ADAMTS18: variants seen among roughly 807,000 people sequenced by gnomAD.
The protein encoded by ADAMTS18 is ADAM metallopeptidase with thrombospondin type 1 motif 18, also known as A disintegrin and metalloproteinase with thrombospondin motifs 18.
A neutral mutation model predicts 165.9 loss-of-function variants in ADAMTS18; 157 were observed. The observed-to-expected ratio is 0.95, with a 90% confidence interval of 0.83 to 1.08. ADAMTS18 has a LOEUF of 1.08. Among genes scored for constraint, ADAMTS18 ranks in the 50% least tolerant of loss-of-function variants. ADAMTS18 has a pLI of 0.00. For synonymous variants in ADAMTS18, 782 were observed against 578.2 expected (o/e 1.35, Z -5.06); for missense variants, 2,040 against 1,534.0 (o/e 1.33, Z -5.51).
rs1453695692 is a variant in ADAMTS18 at position 77,286,989 on chromosome 16, C to G, written c.3550+2275G>C. On this transcript the variant is annotated intron_variant, in intron 22 of 22. Transcript: ENST00000282849. ...ATGATATACAATGACTGCCCCTAGA[C>G]TGGCACTCAGTATGGGCAGGGATCT... Among the ~76,000 whole-genome samples the G allele has an allele frequency of 3.3e-5, 5 of 152,180 alleles. No homozygotes were observed. In the East Asian group the frequency reaches 7.7e-4, roughly 24 times the overall value.
intron 12 of ADAMTS18, among the ~76,000 whole-genome samples, chr16:77,333,356 G>A (rs1238909521): frequency 3.3e-5 from 5 of 151,970 alleles, no homozygotes; most frequent in Non-Finnish European, 7.4e-5. Context: ...CCTAATGCAC[G>A]TGGGGCTTAA....
rs190926781 is a variant in ADAMTS18, at chr16:77,313,292, C to T, written c.2532+6557G>A. Among the ~76,000 whole-genome samples, 392 of 151,524 alleles carry T rather than the reference C, an allele frequency of 2.6e-3. 3 individuals are homozygous for T. The highest frequency in any genetic ancestry group is 9.1e-3 in the African/African-American group (375 of 41,274). ...GGGAAGAACACACACCGGGGCCTGT[C>T]GTCGGGTGGGGGCAGGGGGGAAGGA... On this transcript the variant is annotated intron_variant, in intron 16 of 22. Coordinates refer to ENST00000282849, the MANE Select transcript of ADAMTS18 (RefSeq NM_199355.4).
At chr16:77,364,684 T>C (rs1259637621) in intron 4 of ADAMTS18, among the ~76,000 whole-genome samples, 2 of 141,786 alleles carry the variant, frequency 1.4e-5, no homozygotes, top group East Asian at 2.1e-4. Flanking sequence ...TAGAAATAAA[T>C]GGATAATGGA....
chr16:77,377,292 G>T (rs920495613), intron 3 of ADAMTS18, among the ~76,000 whole-genome samples: 1 of 152,190 alleles, frequency 6.6e-6, no homozygotes, highest in Non-Finnish European at 1.5e-5. Context: ...GACAAATTCA[G>T]TGTTAGGATG....
At chr16:77,296,869 C>T (rs1350351122) in intron 18 of ADAMTS18, among the ~76,000 whole-genome samples, 1 of 152,196 alleles carries the variant, frequency 6.6e-6, no homozygotes, top group African/African-American at 2.4e-5. Flanking sequence ...AGCAAGCTTG[C>T]TTTTAAATAG....
intron 3 of ADAMTS18, among the ~76,000 whole-genome samples, chr16:77,423,417 T>C (rs951242091): frequency 6.6e-6 from 1 of 152,196 alleles, no homozygotes; most frequent in Non-Finnish European, 1.5e-5. Flanking sequence ...ACTGATATTA[T>C]TACTATGTGC....
chr16:77,400,178 G>A (rs2057307058), intron 3 of ADAMTS18, among the ~76,000 whole-genome samples: 1 of 152,098 alleles, frequency 6.6e-6, no homozygotes, highest in Non-Finnish European at 1.5e-5. Context: ...ATTCCCTATA[G>A]GCTCCTCACA....
At chr16:77,345,669 TAAAATC>T (rs1203937837) in intron 10 of ADAMTS18, among the ~76,000 whole-genome samples, 1 of 152,168 alleles carries the variant, frequency 6.6e-6, no homozygotes, top group Non-Finnish European at 1.5e-5. Context: ...TTACATTACT[TAAAATC>T]AAAATAAGAA....
chr16:77,399,827 AATG>A (rs1483230074), intron 3 of ADAMTS18, among the ~76,000 whole-genome samples: 1 of 152,126 alleles, frequency 6.6e-6, no homozygotes, highest in Non-Finnish European at 1.5e-5. Context: ...CACTCCTACT[AATG>A]ATGATATTTA....
At chr16:77,299,496 CTTA>C (rs1373018888) in intron 17 of ADAMTS18, among the ~76,000 whole-genome samples, 2 of 152,108 alleles carry the variant, frequency 1.3e-5, no homozygotes, top group Non-Finnish European at 2.9e-5. Context: ...GATTCTAAGC[CTTA>C]TTATGCTTAG....
At chr16:77,357,449 A>C (rs2056648078) in intron 8 of ADAMTS18, among the ~76,000 whole-genome samples, 1 of 152,148 alleles carries the variant, frequency 6.6e-6, no homozygotes, top group Non-Finnish European at 1.5e-5. Context: ...TCTTCTTCTC[A>C]CCTAACCAAG....
chr16:77,304,222 G>T (rs1330222650), intron 16 of ADAMTS18, among the ~76,000 whole-genome samples: 1 of 152,200 alleles, frequency 6.6e-6, no homozygotes, highest in Non-Finnish European at 1.5e-5. Flanking sequence ...ACTTTGGGAA[G>T]CTGAGGCAGT....
chr16:77,306,854 G>A (rs1324720833), intron 16 of ADAMTS18, among the ~76,000 whole-genome samples: 1 of 152,182 alleles, frequency 6.6e-6, no homozygotes, highest in Non-Finnish European at 1.5e-5. Context: ...ATAAGTCACA[G>A]CAATGGGACT....
chr16:77,389,370 T>G (rs1167100165), intron 3 of ADAMTS18, among the ~76,000 whole-genome samples: 1 of 152,168 alleles, frequency 6.6e-6, no homozygotes, highest in Non-Finnish European at 1.5e-5. Flanking sequence ...AGATTATAGC[T>G]TAAGTGAGGG....
chr16:77,289,175 A>G (rs1198439271), intron 22 of ADAMTS18, 89 bp downstream of exon 22: 6 of 1,523,272 alleles, frequency 3.9e-6, no homozygotes, highest in Non-Finnish European at 5.4e-6. Context: ...AGAGTTGTAC[A>G]ATGTCACAGG....
chr16:77,392,372 G>A (rs79976663), intron 3 of ADAMTS18, among the ~76,000 whole-genome samples: 7,321 of 152,142 alleles, frequency 0.048, 230 homozygotes, highest in Middle Eastern at 0.1. Flanking sequence ...CTTGGAATAT[G>A]CCCAGTATGG....
intron 8 of ADAMTS18, among the ~76,000 whole-genome samples, chr16:77,356,342 A>G (rs2056629833): frequency 1.3e-5 from 2 of 152,240 alleles, no homozygotes; most frequent in Non-Finnish European, 2.9e-5. Context: ...ATGGGCTGGA[A>G]AATTTTGCTC....
intron 12 of ADAMTS18, among the ~76,000 whole-genome samples, chr16:77,327,138 A>G (rs1168717809): frequency 6.6e-6 from 1 of 152,190 alleles, no homozygotes; most frequent in African/African-American, 2.4e-5. Flanking sequence ...TGCTATCACG[A>G]CTAGTGCTAC....
In ADAMTS18 at chr16:77,286,538, TATGAATGCTCA is replaced by T. The variant is rs147927079; in HGVS notation, c.3551-2478_3551-2468del. Among the ~76,000 whole-genome samples the T allele has an allele frequency of 3.6e-3, 546 of 152,322 alleles. 4 individuals carry two copies. Among genetic ancestry groups the T allele is most frequent in the African/African-American group, 0.012 (519 of 41,572 alleles). The stretch of plus-strand genomic sequence containing the variant: ...CGAAGTAAGCATTATTTCCCAGTTT[TATGAATGCTCA>T]GAAAGTTCAAAACTTGCTCAAAGCT... On this transcript the variant is annotated intron_variant, in intron 22 of 22. Transcript: ENST00000282849.
Sources: gnomAD v4.1 joint callset for allele counts (sites outside exome capture counted in the v4.1 genomes callset) on GRCh38, gnomAD v4.1.1 for gene constraint, MANE v1.5 for transcripts, NCBI Gene and HGNC (gene_info 2026-07-23, HGNC 2026-07-21) for gene names.